Variants in EVC observed in about 807,000 individuals in gnomAD.
The protein encoded by EVC is evC complex member EVC.
In EVC, 116 loss-of-function variants were observed where a neutral mutation model predicts 118.9. That is an observed-to-expected ratio of 0.98 (90% CI 0.84 to 1.14). The LOEUF is 1.14. Ranked by LOEUF, EVC falls within the 50% of genes most tolerant of loss-of-function variation. EVC has a pLI of 0.00. For synonymous variants in EVC, 619 were observed against 534.7 expected, an observed-to-expected ratio of 1.16 and a Z score of -2.18; for missense variants, 1,401 against 1,246.4, an observed-to-expected ratio of 1.12 and a Z score of -1.87.
At chr4:5,766,301 G>T in intron 11 of EVC, among the ~76,000 whole-genome samples, 1 of 151,242 alleles carries the variant, frequency 6.6e-6, no homozygotes, top group East Asian at 1.9e-4. Context: ...TTCCCTTTGT[G>T]GGTAACCCGA....
intron 16 of EVC, among the ~76,000 whole-genome samples, chr4:5,802,503 A>G (rs1389630070): frequency 2.6e-5 from 4 of 152,202 alleles, no homozygotes; most frequent in Non-Finnish European, 4.4e-5. Flanking sequence ...TGTGCATTTC[A>G]TTTCTATTAT....
chr4:5,802,212 G>A (rs1715140274), intron 16 of EVC, 118 bp downstream of exon 16: 9 of 1,382,914 alleles, frequency 6.5e-6, no homozygotes, highest in East Asian at 2.4e-5. Context: ...AATTATTTCA[G>A]TGTTTTAATG....
In EVC at chr4:5,812,704, G is replaced by A. The variant is rs745993915; in HGVS notation, c.*1667G>A. ...TCACCCTCAGCACTGTGAACATACC[G>A]GGCGAGATCATTCTTCAGGGGAAGG... On this transcript the variant is annotated 3_prime_UTR_variant, in exon 21 of 21. Transcript: ENST00000264956. The A allele has an allele frequency of 3.2e-4, 49 of 153,880 alleles. No homozygotes were observed. Among genetic ancestry groups the A allele is most frequent in the South Asian group, 2.0e-4 (1 of 4,994 alleles). The allele number at this position is 153,880 out of a possible 1,614,324, so 9.5% of individuals were successfully genotyped here. A position where few individuals can be genotyped will look rare whatever the true frequency, so the allele number is the denominator to read the frequency against.
the EVC span, among the ~76,000 whole-genome samples, chr4:5,819,768 C>T: frequency 6.6e-6 from 1 of 152,146 alleles, no homozygotes; most frequent in African/African-American, 2.4e-5. Flanking sequence ...AAATCCTTAC[C>T]ATCCGTTCTT....
At chr4:5,827,611 C>T in the EVC span, among the ~76,000 whole-genome samples, 11 of 149,970 alleles carry the variant, frequency 7.3e-5, no homozygotes, top group South Asian at 6.3e-4. Context: ...TGCTCGCATA[C>T]ACACACGCGC....
Position 5,738,546 on chromosome 4 carries a change from C to A in EVC, c.703-3170C>A, listed in dbSNP as rs1034026521. On this transcript the variant is annotated intron_variant, in intron 5 of 20. Coordinates refer to ENST00000264956, the MANE Select transcript of EVC (RefSeq NM_153717.3). The surrounding 1 kb of genome is among the most constrained non-coding windows in gnomAD (Gnocchi z 6.5). Reference sequence around the variant, plus strand: ...ACCCTAACCTTCAGCAACCACTACCCTCATAAGTCAGTAGCCATCAACATT... The same window carrying A: ...ACCCTAACCTTCAGCAACCACTACCATCATAAGTCAGTAGCCATCAACATT... Among the ~76,000 whole-genome samples, 5 of 152,104 alleles carry A rather than the reference C, an allele frequency of 3.3e-5. No individual in the cohort carries two copies. Among genetic ancestry groups the A allele is most frequent in the Non-Finnish European group, 7.4e-5 (5 of 68,006 alleles).
At chr4:5,807,018 G>T (rs913241498) in intron 17 of EVC, among the ~76,000 whole-genome samples, 1 of 152,166 alleles carries the variant, frequency 6.6e-6, no homozygotes, top group Non-Finnish European at 1.5e-5. Context: ...CATAGGCACG[G>T]TTTCTAGTGG....
At chr4:5,783,440 T>A in intron 11 of EVC, 112 bp from the exon 12 acceptor site, 1 of 1,016,034 alleles carries the variant, frequency 9.8e-7, no homozygotes. Flanking sequence ...TTCCTGTCTG[T>A]GGATCTCCTT....
chr4:5,782,536 G>GA lies in EVC; in HGVS notation c.1564-985dup, dbSNP rs71171483. ...AGCCTCCCGCTTCCATGTTTTAAAT[G>GA]AAAAAAAAAAAAAAAAAAAAAAAAA... On this transcript the variant is annotated intron_variant, in intron 11 of 20. Transcript: ENST00000264956. 9.4e-4 allele frequency among the ~76,000 whole-genome samples: 43 copies of GA among 45,728 alleles called. 6 individuals are homozygous for GA. Among genetic ancestry groups the GA allele is most frequent in the East Asian group, 8.4e-3 (6 of 714 alleles). The allele number at this position is 45,728 out of a possible 152,430, so 30.0% of individuals were successfully genotyped here.
rs754405286 is a variant in EVC at position 5,731,678 on chromosome 4, A to G, written c.617+21A>G. ...GAGAGGTAAGGAGAGCGGGCAATGG[A>G]GGATGAGGCTTCCAGTCCTCTTGGA... is the stretch of plus-strand genomic sequence containing the variant. On this transcript the variant is annotated intron_variant, in intron 4 of 20. Coordinates refer to ENST00000264956, the MANE Select transcript of EVC (RefSeq NM_153717.3). This position sits in a 1 kb window ranked among gnomAD's most constrained non-coding sequence, Gnocchi z 5.6. The G allele has an allele frequency of 1.2e-6, 2 of 1,604,004 alleles. No individual in the cohort carries two copies. The highest frequency in any genetic ancestry group is 1.7e-6 in the Non-Finnish European group (2 of 1,172,926).
At chr4:5,817,488 C>G (rs1392529787), downstream of EVC, among the ~76,000 whole-genome samples, 1 of 152,236 alleles carries the variant, frequency 6.6e-6, no homozygotes, top group Admixed American at 6.5e-5. Flanking sequence ...AGGCTTTACT[C>G]TGAAGCCAGG....
chr4:5,799,952 G>A (rs1053691246), intron 15 of EVC, among the ~76,000 whole-genome samples: 1 of 152,226 alleles, frequency 6.6e-6, no homozygotes, highest in Non-Finnish European at 1.5e-5. Context: ...AATGGAGTAA[G>A]ATAGAAGGGT....
the EVC span, chr4:5,821,562 T>C: frequency 1.7e-6 from 1 of 587,460 alleles, no homozygotes; most frequent in East Asian, 2.8e-5. The surrounding 1 kb of genome is among the most constrained non-coding windows in gnomAD (Gnocchi z 4.4). Context: ...TGAACACAAC[T>C]GTGGGGCAAG....
chr4:5,786,435 G>A (rs970170160), intron 12 of EVC, among the ~76,000 whole-genome samples: 1 of 152,160 alleles, frequency 6.6e-6, no homozygotes, highest in African/African-American at 2.4e-5. Context: ...TGGCATGTGG[G>A]GAAGGTTTCT....
At chr4:5,770,339 A>G (rs1249822624) in intron 11 of EVC, among the ~76,000 whole-genome samples, 2 of 152,192 alleles carry the variant, frequency 1.3e-5, no homozygotes, top group Non-Finnish European at 2.9e-5. Flanking sequence ...CAGTGTTAGC[A>G]TAGACTATCA....
chr4:5,731,385 G>C lies in EVC; in HGVS notation c.385-40G>C. The stretch of plus-strand genomic sequence containing the variant: ...ATGAATACTAGATCAAATCCCAGAG[G>C]CATCACATGGACTGAGTGTGACTCC... On this transcript the variant is annotated intron_variant, in intron 3 of 20. Transcript: ENST00000264956. The surrounding 1 kb of genome is among the most constrained non-coding windows in gnomAD (Gnocchi z 5.6). The C allele has an allele frequency of 2.1e-6, 3 of 1,439,848 alleles. No individual in the cohort carries two copies. Among genetic ancestry groups the C allele is most frequent in the Non-Finnish European group, 2.9e-6 (3 of 1,021,496 alleles). 89.2% of individuals were successfully genotyped at this position (1,439,848 alleles called of 1,614,324 possible).
At chr4:5,800,490 A>G (rs1714772040) in intron 15 of EVC, among the ~76,000 whole-genome samples, 2 of 152,158 alleles carry the variant, frequency 1.3e-5, no homozygotes, top group African/African-American at 4.8e-5. Flanking sequence ...GGCCAGAAAA[A>G]AACTGAGGAG....
intron 2 of EVC, among the ~76,000 whole-genome samples, chr4:5,723,508 G>A (rs1325185909): frequency 6.6e-6 from 1 of 152,028 alleles, no homozygotes; most frequent in African/African-American, 2.4e-5. Flanking sequence ...TCATAATTAG[G>A]TTTTTGTTTT....
intron 16 of EVC, 112 bp downstream of exon 16, chr4:5,802,206 A>G: frequency 7.0e-7 from 1 of 1,427,186 alleles, no homozygotes; most frequent in South Asian, 1.2e-5. Flanking sequence ...GAATATAATT[A>G]TTTCAGTGTT....
Sources: gnomAD v4.1 joint callset for allele counts (sites outside exome capture counted in the v4.1 genomes callset) on GRCh38, gnomAD v4.1.1 for gene constraint, Gnocchi (gnomAD v3.1) non-coding constraint, MANE v1.5 for transcripts, NCBI Gene and HGNC (gene_info 2026-07-23, HGNC 2026-07-21) for gene names.